The following PARD3B variants were observed in gnomAD, a reference collection of about 807,000 sequenced individuals.
PARD3B encodes partitioning defective 3 homolog B.
In PARD3B, 103 loss-of-function variants were observed where a neutral mutation model predicts 130.2. The observed-to-expected ratio is 0.79, with a 90% CI of 0.67 to 0.93. The LOEUF is 0.93. Ranked by LOEUF, PARD3B falls within the 40% of genes least tolerant of loss-of-function variation. The pLI is 0.00. For missense variants in PARD3B, 1,609 were observed against 1,499.2 expected (o/e 1.07, Z -1.21); for synonymous variants, 583 against 553.2 (o/e 1.05, Z -0.76).
intron 2 of PARD3B, among the ~76,000 whole-genome samples, chr2:204,756,664 C>A (rs1293896928): frequency 6.6e-6 from 1 of 152,072 alleles, no homozygotes; most frequent in Non-Finnish European, 1.5e-5. Flanking sequence ...GAGAGAGGCA[C>A]GCCAGACTTG....
intron 22 of PARD3B, among the ~76,000 whole-genome samples, chr2:205,598,913 A>G (rs1456678920): frequency 1.3e-5 from 2 of 152,222 alleles, no homozygotes; most frequent in Non-Finnish European, 2.9e-5. Flanking sequence ...ATTCTTTGAA[A>G]CTAATGAGAA....
chr2:204,659,559 C>A (rs549470479), intron 1 of PARD3B, among the ~76,000 whole-genome samples: 1 of 152,238 alleles, frequency 6.6e-6, no homozygotes, highest in Non-Finnish European at 1.5e-5. Flanking sequence ...ATTACCATTA[C>A]ACTGGAATGC....
intron 3 of PARD3B, among the ~76,000 whole-genome samples, chr2:204,985,095 C>CTA (rs1378020348): frequency 9.2e-5 from 14 of 152,100 alleles, no homozygotes; most frequent in Admixed American, 5.9e-4. Context: ...AGAGACCTCT[C>CTA]TAACTTAGTC....
chr2:204,655,797 G>T (rs2035618953), intron 1 of PARD3B, among the ~76,000 whole-genome samples: 1 of 152,048 alleles, frequency 6.6e-6, no homozygotes, highest in Admixed American at 6.6e-5. Context: ...ATCATTTATT[G>T]TTGCCTGCAA....
chr2:205,212,681 C>T (rs1314118161), intron 15 of PARD3B, among the ~76,000 whole-genome samples: 4 of 152,012 alleles, frequency 2.6e-5, no homozygotes, highest in Admixed American at 1.3e-4. Context: ...TAACCATGGA[C>T]GGTGATGATA....
chr2:205,615,329 G>A lies in PARD3B; in HGVS notation c.3261-127G>A. The A allele has an allele frequency of 7.0e-6, 5 of 714,220 alleles. No individual in the cohort carries two copies. In the South Asian group the frequency reaches 8.9e-5, roughly 13 times the overall value. 44.2% of individuals were successfully genotyped at this position (714,220 alleles called of 1,614,324 possible). A position where few individuals can be genotyped will look rare whatever the true frequency, so the allele number is the denominator to read the frequency against. On this transcript the variant is annotated intron_variant, in intron 22 of 22. Transcript: ENST00000406610. Reference sequence around the variant, plus strand: ...CTTTTTAAGGGCACGTATCACTTCTGCTCCCATCCCATTGGCCAGACCTAT... The same window carrying A: ...CTTTTTAAGGGCACGTATCACTTCTACTCCCATCCCATTGGCCAGACCTAT...
In PARD3B at chr2:205,558,208, C is replaced by T. The variant is rs1050857062; in HGVS notation, c.3260+4805C>T. ...CTAGGCAAGAGGCCAGGGCTCCTGT[C>T]CAGCAAGACTTGGGTGCAGGAGTAG... On this transcript the variant is annotated intron_variant, in intron 22 of 22. Transcript: ENST00000406610. The surrounding 1 kb of genome is among the most constrained non-coding windows in gnomAD (Gnocchi z 4.8). Among the ~76,000 whole-genome samples the T allele has an allele frequency of 6.6e-6, 1 of 152,156 alleles. No homozygotes were observed. The highest frequency in any genetic ancestry group is 2.4e-5 in the African/African-American group (1 of 41,444).
chr2:204,800,041 G>A (rs1252455439), intron 2 of PARD3B, among the ~76,000 whole-genome samples: 8 of 152,164 alleles, frequency 5.3e-5, no homozygotes, highest in African/African-American at 9.6e-5. Flanking sequence ...TAAAGTACCA[G>A]TGACTAATCC....
chr2:204,738,530 T>C (rs1480069564), intron 2 of PARD3B, among the ~76,000 whole-genome samples: 1 of 152,178 alleles, frequency 6.6e-6, no homozygotes, highest in Admixed American at 6.5e-5. Flanking sequence ...TCTAGTTTAT[T>C]AGGTAGGAGT....
intron 18 of PARD3B, among the ~76,000 whole-genome samples, chr2:205,319,675 CCAAATTTGCTG>C (rs961940624): frequency 2.0e-5 from 3 of 152,092 alleles, no homozygotes; most frequent in Non-Finnish European, 4.4e-5. Flanking sequence ...ATGTTGGGCA[CCAAATTTGCTG>C]CTGTTCTTGC....
chr2:204,858,004 G>A (rs549932215), intron 2 of PARD3B, among the ~76,000 whole-genome samples: 31 of 152,106 alleles, frequency 2.0e-4, no homozygotes, highest in Non-Finnish European at 4.4e-4. Flanking sequence ...CTTTCAAACG[G>A]TACTTCAATG....
chr2:204,932,367 T>C (rs536624511), intron 2 of PARD3B, among the ~76,000 whole-genome samples: 13 of 152,102 alleles, frequency 8.5e-5, no homozygotes, highest in Non-Finnish European at 1.6e-4. Flanking sequence ...GTAAAAGAAA[T>C]AGCCCCATGT....
intron 2 of PARD3B, among the ~76,000 whole-genome samples, chr2:204,867,622 A>T (rs2125640925): frequency 6.6e-6 from 1 of 152,282 alleles, no homozygotes; most frequent in Middle Eastern, 3.4e-3. Context: ...GTGTCCCTTG[A>T]ATAAATATTA....
chr2:204,608,182 T>G (rs998371798), intron 1 of PARD3B, among the ~76,000 whole-genome samples: 5 of 152,210 alleles, frequency 3.3e-5, no homozygotes, highest in African/African-American at 7.2e-5. Flanking sequence ...TTAGGCATTT[T>G]AAACAGCACA....
rs866957798 is a variant in PARD3B, at chr2:204,985,256, G to A, written c.394+19933G>A. Among the ~76,000 whole-genome samples, 17 of 151,500 alleles carry A rather than the reference G, an allele frequency of 1.1e-4. No homozygotes were observed. The Middle Eastern group carries it at 0.01, about 91-fold the overall frequency. ...ACTTTCCTTCCTTGAACAATTAAAGGAATGCATTAAAGCCCAAACAACAAA... is the reference window on the plus strand; with the variant it reads ...ACTTTCCTTCCTTGAACAATTAAAGAAATGCATTAAAGCCCAAACAACAAA... On this transcript the variant is annotated intron_variant, in intron 3 of 22. Coordinates refer to ENST00000406610, the MANE Select transcript of PARD3B (RefSeq NM_001302769.2).
At chr2:205,420,333 A>T (rs973741050) in intron 19 of PARD3B, among the ~76,000 whole-genome samples, 1 of 152,204 alleles carries the variant, frequency 6.6e-6, no homozygotes, top group African/African-American at 2.4e-5. Flanking sequence ...TAATAGCTTT[A>T]GTAGTATTAG....
intron 2 of PARD3B, among the ~76,000 whole-genome samples, chr2:204,705,407 G>C (rs1308459642): frequency 6.6e-6 from 1 of 152,116 alleles, no homozygotes; most frequent in Non-Finnish European, 1.5e-5. Flanking sequence ...GGAGGCAAAG[G>C]CATTTTAAAT....
intron 1 of PARD3B, among the ~76,000 whole-genome samples, chr2:204,654,218 C>T (rs1218966401): frequency 6.6e-6 from 1 of 151,160 alleles, no homozygotes; most frequent in Non-Finnish European, 1.5e-5. Context: ...TCATCTAATA[C>T]CTTTCATATA....
intron 3 of PARD3B, among the ~76,000 whole-genome samples, chr2:205,022,085 A>G (rs759416709): frequency 6.6e-6 from 1 of 152,196 alleles, no homozygotes; most frequent in Non-Finnish European, 1.5e-5. Context: ...AGATTTAACA[A>G]TACAAATAGA....
Sources: allele counts gnomAD v4.1 joint callset (sites outside exome capture counted in the v4.1 genomes callset), GRCh38; gene constraint gnomAD v4.1.1; non-coding constraint Gnocchi (gnomAD v3.1); transcripts MANE v1.5; gene names NCBI Gene and HGNC (gene_info 2026-07-23, HGNC 2026-07-21).